DLC1: variants seen among roughly 807,000 people sequenced by gnomAD.
DLC1 encodes rho GTPase-activating protein 7.
DLC1 carries 54 observed loss-of-function variants against 140.3 expected under a neutral mutation model. That is an observed-to-expected ratio of 0.38 (90% CI 0.31 to 0.48). The LOEUF is 0.48. Ranked by LOEUF, DLC1 falls within the 20% of genes least tolerant of loss-of-function variation. The pLI is 0.96. For missense variants in DLC1, 2,536 were observed against 1,907.0 expected (o/e 1.33, Z -6.14); for synonymous variants, 986 against 728.1 (o/e 1.35, Z -5.70).
chr8:13,300,636 G>A (rs1174766923), intron 5 of DLC1, among the ~76,000 whole-genome samples: 1 of 152,124 alleles, frequency 6.6e-6, no homozygotes, highest in African/African-American at 2.4e-5. Context: ...GTAGGGCAGA[G>A]GGTGGATCTG....
At chr8:13,562,882 G>T (rs1022194861) in intron 1 of DLC1, among the ~76,000 whole-genome samples, 1 of 150,152 alleles carries the variant, frequency 6.7e-6, no homozygotes, top group East Asian at 2.0e-4. Flanking sequence ...TTGTAAAGTG[G>T]TATCTAGAAT....
At chr8:13,088,813 A>G in intron 15 of DLC1, 109 bp from the exon 16 acceptor site, 2 of 804,788 alleles carry the variant, frequency 2.5e-6, no homozygotes, top group Non-Finnish European at 3.9e-6. Flanking sequence ...ATCAACGTTA[A>G]TTGATTAAAT....
At chr8:13,364,970 T>G (rs1835410581) in intron 4 of DLC1, among the ~76,000 whole-genome samples, 1 of 152,232 alleles carries the variant, frequency 6.6e-6, no homozygotes, top group South Asian at 2.1e-4. Flanking sequence ...AGGATTAAAT[T>G]CTTGGTATGT....
rs187177130 is a variant in DLC1 at position 13,280,108 on chromosome 8, G to A, written c.1348+25161C>T. On this transcript the variant is annotated intron_variant, in intron 5 of 17. Coordinates refer to ENST00000276297, the MANE Select transcript of DLC1 (RefSeq NM_182643.3). ...TCCTGGCTAACACAGTGAAACCCCC[G>A]TCTCTACTAAAAATACAAAAAAAAA... Among the ~76,000 whole-genome samples the A allele has an allele frequency of 9.6e-3, 1,421 of 148,586 alleles. 31 individuals carry two copies. Among genetic ancestry groups the A allele is most frequent in the African/African-American group, 0.034 (1,375 of 40,024 alleles).
intron 5 of DLC1, among the ~76,000 whole-genome samples, chr8:13,139,959 G>C (rs2128969553): frequency 6.6e-6 from 1 of 152,264 alleles, no homozygotes; most frequent in African/African-American, 2.4e-5. Flanking sequence ...GTAGCATTAA[G>C]TACAGTGCAT....
chr8:13,502,678 C>A (rs1195249790), intron 1 of DLC1, among the ~76,000 whole-genome samples: 4 of 152,214 alleles, frequency 2.6e-5, no homozygotes, highest in Non-Finnish European at 5.9e-5. Context: ...AAAAGACTGA[C>A]TTCTCCTGTG....
intron 1 of DLC1, among the ~76,000 whole-genome samples, chr8:13,530,198 T>C (rs1400848594): frequency 6.6e-6 from 1 of 152,226 alleles, no homozygotes; most frequent in Non-Finnish European, 1.5e-5. Context: ...TTGACCAGTG[T>C]ATTACTTTTC....
At chr8:13,179,305 T>C (rs755776918) in intron 5 of DLC1, among the ~76,000 whole-genome samples, 5 of 147,084 alleles carry the variant, frequency 3.4e-5, no homozygotes, top group Non-Finnish European at 5.9e-5. Context: ...GTCTGCAGAG[T>C]TGGTTGGTAA....
intron 2 of DLC1, among the ~76,000 whole-genome samples, chr8:13,433,207 G>A (rs1838966433): frequency 6.6e-6 from 1 of 151,988 alleles, no homozygotes; most frequent in African/African-American, 2.4e-5. Flanking sequence ...TGTGAGGAGA[G>A]GACAGGGACT....
chr8:13,583,639 T>C (rs1213180429), intron 1 of DLC1, among the ~76,000 whole-genome samples: 2 of 152,238 alleles, frequency 1.3e-5, no homozygotes, highest in Admixed American at 6.5e-5. Flanking sequence ...TTTTATTTAA[T>C]ATTTTCATGT....
At position 13,085,957 on chromosome 8, in the gene DLC1, G is replaced by A. The variant is rs553294399; in HGVS notation, c.4467-26C>T. On this transcript the variant is annotated intron_variant, in intron 17 of 17. Transcript: ENST00000276297. ...CTATCAGAGAAAAGAAAGAAAAGCT[G>A]ATGAATTATTTAAGTTAGAAAGCAT... 173 of 1,609,288 alleles carry A rather than the reference G, an allele frequency of 1.1e-4. 3 individuals are homozygous for A. The South Asian group carries it at 1.8e-3, about 17-fold the overall frequency.
intron 4 of DLC1, among the ~76,000 whole-genome samples, chr8:13,366,358 G>A (rs916988334): frequency 2.0e-5 from 3 of 152,148 alleles, no homozygotes; most frequent in African/African-American, 7.2e-5. Flanking sequence ...TGATATCGTA[G>A]TGATTAAGAT....
intron 2 of DLC1, among the ~76,000 whole-genome samples, chr8:13,425,308 T>A (rs756254817): frequency 1.3e-5 from 2 of 152,056 alleles, no homozygotes; most frequent in African/African-American, 2.4e-5. Flanking sequence ...CCCTGGAGGG[T>A]TAGTTGCATA....
intron 2 of DLC1, among the ~76,000 whole-genome samples, chr8:13,462,361 A>G (rs1585149681): frequency 6.6e-6 from 1 of 150,688 alleles, no homozygotes; most frequent in South Asian, 2.1e-4. Flanking sequence ...CTGACAATGT[A>G]TCCTGAACAA....
At chr8:13,163,227 C>T (rs553656060) in intron 5 of DLC1, among the ~76,000 whole-genome samples, 1 of 152,260 alleles carries the variant, frequency 6.6e-6, no homozygotes, top group East Asian at 1.9e-4. Flanking sequence ...ATTGCAATAT[C>T]ATAAAAATAT....
chr8:13,220,372 C>A (rs371655429), intron 5 of DLC1, among the ~76,000 whole-genome samples: 37 of 152,128 alleles, frequency 2.4e-4, no homozygotes, highest in Non-Finnish European at 5.1e-4. Flanking sequence ...ACTTGAGCAG[C>A]CTGGCTTGTG....
At chr8:13,390,993 AAAG>A (rs1487541609) in intron 4 of DLC1, among the ~76,000 whole-genome samples, 3 of 74,460 alleles carry the variant, frequency 4.0e-5, no homozygotes, top group African/African-American at 1.4e-4. Context: ...TCAAAAAAAA[AAAG>A]AAAAAAAAAA....
At chr8:13,265,936 C>G (rs1269207529) in intron 5 of DLC1, among the ~76,000 whole-genome samples, 4 of 152,150 alleles carry the variant, frequency 2.6e-5, no homozygotes, top group African/African-American at 9.7e-5. Context: ...TTTTCAGGCA[C>G]TGCTTTGACA....
At chr8:13,453,548 ATATATATATTTTTTTTTT>A in intron 2 of DLC1, among the ~76,000 whole-genome samples, 1 of 45,196 alleles carries the variant, frequency 2.2e-5, no homozygotes, top group African/African-American at 1.3e-4. Flanking sequence ...ACATATATAT[ATATATATATTTTTTTTTT>A]TTTTTTTTCA....
Sources: gnomAD v4.1 joint callset for allele counts (sites outside exome capture counted in the v4.1 genomes callset) on GRCh38, gnomAD v4.1.1 for gene constraint, MANE v1.5 for transcripts, NCBI Gene and HGNC (gene_info 2026-07-23, HGNC 2026-07-21) for gene names.